CAMK1D: variants seen among roughly 807,000 people sequenced by gnomAD.
CAMK1D encodes the protein calcium/calmodulin-dependent protein kinase type 1D.
In CAMK1D, 9 loss-of-function variants were observed where a neutral mutation model predicts 47.7. The observed-to-expected ratio is 0.19, with a 90% CI of 0.11 to 0.33. The LOEUF (loss-of-function observed/expected upper bound fraction) is 0.33. Among genes scored for constraint, CAMK1D ranks in the 10% least tolerant of loss-of-function variants. CAMK1D has a pLI of 1.00. For synonymous variants in CAMK1D, 184 were observed against 184.9 expected (o/e 0.99, Z 0.04); for missense variants, 291 against 488.7 (o/e 0.60, Z 3.81).
intron 2 of CAMK1D, among the ~76,000 whole-genome samples, chr10:12,594,089 T>C (rs1838075778): frequency 6.6e-6 from 1 of 152,176 alleles, no homozygotes; most frequent in Non-Finnish European, 1.5e-5. Context: ...GGCAGGAGAA[T>C]CACTTGAGCC....
intron 6 of CAMK1D, among the ~76,000 whole-genome samples, chr10:12,802,816 G>A (rs548295174): frequency 6.6e-6 from 1 of 152,118 alleles, no homozygotes; most frequent in Admixed American, 6.6e-5. Context: ...CCCCGCCCCC[G>A]GCCTGCTCTT....
At chr10:12,766,332 C>G (rs1414969749) in intron 4 of CAMK1D, among the ~76,000 whole-genome samples, 2 of 140,170 alleles carry the variant, frequency 1.4e-5, no homozygotes, top group Non-Finnish European at 3.1e-5. Flanking sequence ...GATGGGTTCT[C>G]TGCCTGGCCA....
chr10:12,450,747 T>A (rs910768364), intron 1 of CAMK1D, among the ~76,000 whole-genome samples: 2 of 152,158 alleles, frequency 1.3e-5, no homozygotes, highest in Non-Finnish European at 2.9e-5. Flanking sequence ...GCCCTTTGCA[T>A]TTAGTTTTGT....
chr10:12,595,016 C>T (rs1447802246), intron 2 of CAMK1D, among the ~76,000 whole-genome samples: 1 of 152,082 alleles, frequency 6.6e-6, no homozygotes, highest in African/African-American at 2.4e-5. Flanking sequence ...GAGACTCACT[C>T]CATGCTGAGG....
At chr10:12,395,411 G>T (rs964103537) in intron 1 of CAMK1D, among the ~76,000 whole-genome samples, 25 of 151,958 alleles carry the variant, frequency 1.6e-4, no homozygotes, top group African/African-American at 5.8e-4. Context: ...GCCACCTAGG[G>T]AATCTCAGCC....
intron 1 of CAMK1D, among the ~76,000 whole-genome samples, chr10:12,365,545 T>G (rs993991475): frequency 3.9e-5 from 6 of 152,058 alleles, no homozygotes; most frequent in Non-Finnish European, 7.4e-5. Context: ...TTCACGCCAT[T>G]CTCCTGCCTC....
intron 1 of CAMK1D, among the ~76,000 whole-genome samples, chr10:12,541,073 A>G (rs936209812): frequency 2.0e-5 from 3 of 151,988 alleles, no homozygotes; most frequent in African/African-American, 7.3e-5. Context: ...TTGGATATCC[A>G]TTTTCTTGGA....
chr10:12,478,220 G>T (rs1833960192), intron 1 of CAMK1D, among the ~76,000 whole-genome samples: 1 of 151,954 alleles, frequency 6.6e-6, no homozygotes, highest in Non-Finnish European at 1.5e-5. Flanking sequence ...GTGTTAGCCA[G>T]GATGGTCTCG....
intron 1 of CAMK1D, among the ~76,000 whole-genome samples, chr10:12,513,147 T>C (rs944259799): frequency 1.3e-5 from 2 of 152,212 alleles, no homozygotes; most frequent in African/African-American, 4.8e-5. Flanking sequence ...TTTTGCTGGC[T>C]TTATTGCCTG....
chr10:12,487,408 G>T (rs1276388462), intron 1 of CAMK1D, among the ~76,000 whole-genome samples: 3 of 152,308 alleles, frequency 2.0e-5, no homozygotes, highest in East Asian at 3.9e-4. Flanking sequence ...AAAATTGAGT[G>T]ACCTTATTGA....
chr10:12,638,968 C>A (rs547054106), intron 2 of CAMK1D, among the ~76,000 whole-genome samples: 2 of 152,310 alleles, frequency 1.3e-5, no homozygotes, highest in South Asian at 2.1e-4. Flanking sequence ...GTCTTCCTTT[C>A]TCCTCTTGGA....
rs192637857 is a variant in CAMK1D at position 12,384,952 on chromosome 10, A to G, written c.92+35042A>G. Among the ~76,000 whole-genome samples the G allele has an allele frequency of 1.8e-3, 274 of 152,336 alleles. 2 individuals are homozygous for G. The highest frequency in any genetic ancestry group is 6.5e-3 in the African/African-American group (270 of 41,586). Reference sequence around the variant, plus strand: ...TCAATAATTGATAACCCAATTAAAAACGGGCCAAGGATATGAATAGGCATT... The same window carrying G: ...TCAATAATTGATAACCCAATTAAAAGCGGGCCAAGGATATGAATAGGCATT... On this transcript the variant is annotated intron_variant, in intron 1 of 10. Coordinates refer to ENST00000619168, the MANE Select transcript of CAMK1D (RefSeq NM_153498.4).
At chr10:12,495,860 C>G (rs1834523074) in intron 1 of CAMK1D, among the ~76,000 whole-genome samples, 1 of 152,146 alleles carries the variant, frequency 6.6e-6, no homozygotes, top group Non-Finnish European at 1.5e-5. Flanking sequence ...CAGGGTCTCA[C>G]TCTGTCACTC....
chr10:12,604,428 G>C (rs1427428615), intron 2 of CAMK1D, among the ~76,000 whole-genome samples: 1 of 152,150 alleles, frequency 6.6e-6, no homozygotes, highest in Non-Finnish European at 1.5e-5. Context: ...TGACTTCTTA[G>C]CAGAAGTGTT....
intron 1 of CAMK1D, among the ~76,000 whole-genome samples, chr10:12,531,799 G>A (rs996883468): frequency 6.6e-6 from 1 of 152,244 alleles, no homozygotes; most frequent in South Asian, 2.1e-4. Context: ...TTCTCTCTGG[G>A]TTGGTCACAA....
Position 12,536,272 on chromosome 10 carries a change from CTTTAT to C in CAMK1D, c.93-16934_93-16930del, listed in dbSNP as rs200447692. Among the ~76,000 whole-genome samples, 5 of 151,622 alleles carry C rather than the reference CTTTAT, an allele frequency of 3.3e-5. No individual in the cohort carries two copies. In the East Asian group the frequency reaches 9.7e-4, roughly 29 times the overall value. On this transcript the variant is annotated intron_variant, in intron 1 of 10. Transcript: ENST00000619168. ...TTATGGATCTAGCCATACTTCATGT[CTTTAT>C]TTTATTTTATTTTATTTTTGAGACG...
At chr10:12,738,300 A>C (rs959632695) in intron 3 of CAMK1D, among the ~76,000 whole-genome samples, 6 of 152,226 alleles carry the variant, frequency 3.9e-5, no homozygotes, top group Non-Finnish European at 8.8e-5. Context: ...CAAGAGATGC[A>C]AAGAGTCACA....
At chr10:12,441,348 C>T (rs1212138896) in intron 1 of CAMK1D, among the ~76,000 whole-genome samples, 2 of 152,052 alleles carry the variant, frequency 1.3e-5, no homozygotes, top group African/African-American at 2.4e-5. Flanking sequence ...CAGGCATATG[C>T]GACAGGCCTG....
At chr10:12,412,455 C>CAAAAAAAAAAAAA (rs1180559333) in intron 1 of CAMK1D, among the ~76,000 whole-genome samples, 25 of 118,308 alleles carry the variant, frequency 2.1e-4, no homozygotes, top group Admixed American at 3.7e-4. Flanking sequence ...ACTAAAAATA[C>CAAAAAAAAAAAAA]AAAAAAAAAA....
Sources: gnomAD v4.1 joint callset for allele counts (sites outside exome capture counted in the v4.1 genomes callset) on GRCh38, gnomAD v4.1.1 for gene constraint, MANE v1.5 for transcripts, NCBI Gene and HGNC (gene_info 2026-07-23, HGNC 2026-07-21) for gene names.